C5: variants seen among roughly 807,000 people sequenced by gnomAD.
The protein encoded by C5 is C3 and PZP-like alpha-2-macroglobulin domain-containing protein 4.
A neutral mutation model predicts 218.8 loss-of-function variants in C5; 140 were observed. That is an observed-to-expected ratio of 0.64 (90% CI 0.56 to 0.74). The LOEUF is 0.74. C5 is among the 30% of genes least tolerant of loss of function. C5 has a pLI of 0.00. For synonymous variants in C5, 614 were observed against 682.3 expected (o/e 0.90, Z 1.56); for missense variants, 1,700 against 1,969.6 (o/e 0.86, Z 2.59).
intron 40 of C5, 27 bp from the exon 41 acceptor site, chr9:120,952,895 G>T: frequency 6.2e-7 from 1 of 1,612,144 alleles, no homozygotes; most frequent in Non-Finnish European, 8.5e-7. Context: ...TGTTTGTGAG[G>T]TGGCCACAAA....
the C5 span, among the ~76,000 whole-genome samples, chr9:121,071,754 C>T: frequency 2.0e-5 from 3 of 152,178 alleles, no homozygotes; most frequent in African/African-American, 7.2e-5. Flanking sequence ...GTTGCCATCC[C>T]TGTCTGACAA....
chr9:121,041,330 A>G, intron 3 of C5, among the ~76,000 whole-genome samples: 1 of 88,674 alleles, frequency 1.1e-5, no homozygotes, highest in Non-Finnish European at 2.1e-5. Flanking sequence ...GCTGAGACGA[A>G]GTCTCACTCT....
At chr9:120,997,815 T>G (rs1361489538) in intron 20 of C5, 41 bp from the exon 21 acceptor site, 1 of 1,576,406 alleles carries the variant, frequency 6.3e-7, no homozygotes, top group Admixed American at 1.7e-5. Flanking sequence ...TACATTTTTT[T>G]TTTTTGAGAC....
chr9:121,040,665 A>T (rs1367611707), intron 3 of C5, among the ~76,000 whole-genome samples: 1 of 152,188 alleles, frequency 6.6e-6, no homozygotes, highest in Non-Finnish European at 1.5e-5. Context: ...CTTTACACAT[A>T]CTAATTCAGT....
chr9:121,044,788 C>T (rs2047612165), intron 2 of C5, among the ~76,000 whole-genome samples: 1 of 152,102 alleles, frequency 6.6e-6, no homozygotes, highest in African/African-American at 2.4e-5. Context: ...ACTATGGTAG[C>T]CAATAGCTAC....
At position 120,996,234 on chromosome 9, in the gene C5, G is replaced by A. The variant is rs763487732; in HGVS notation, c.2851+6C>T. 1.3e-6 allele frequency: 2 copies of A among 1,588,224 alleles called. No individual in the cohort carries two copies. The highest frequency in any genetic ancestry group is 8.6e-7 in the Non-Finnish European group (1 of 1,156,630). On this transcript the variant is annotated splice_donor_region_variant and intron_variant, in intron 22 of 40. Transcript: ENST00000223642. The stretch of plus-strand genomic sequence containing the variant: ...AACATATAAAATAAAAAATCATTTT[G>A]CCTACCATAAATACCCCTAGGATCC...
In C5 at chr9:121,020,009, T is replaced by C. The variant is rs1277851450; in HGVS notation, c.1473A>G (p.Pro491=). ...TATAGTGAGTTATTTTGTCAATATA[T>C]GGGCTTTTGGGGGTAACAATAATAT... The part of the protein sequence containing the change: ...HLNIIVTPKS[P]YIDKITHYNY... The change falls in exon 12 of 41, where the codon CCA becomes CCG. Residue 491 remains proline, a synonymous_variant. Coordinates refer to ENST00000223642, the MANE Select transcript of C5 (RefSeq NM_001735.3). 9 of 1,610,048 alleles carry C rather than the reference T, an allele frequency of 5.6e-6. No individual in the cohort carries two copies. Among genetic ancestry groups the C allele is most frequent in the African/African-American group, 5.4e-5 (4 of 74,738 alleles).
At chr9:120,995,412 G>A (rs1338010812) in intron 22 of C5, among the ~76,000 whole-genome samples, 2 of 152,052 alleles carry the variant, frequency 1.3e-5, no homozygotes, top group African/African-American at 4.8e-5. Context: ...ATAAATACAT[G>A]TATATGTATT....
chr9:121,037,486 G>T (rs7042883), intron 4 of C5, among the ~76,000 whole-genome samples: 4,969 of 151,620 alleles, frequency 0.033, 121 homozygotes, highest in African/African-American at 0.058. Context: ...CTAATTTTTT[G>T]TATTTTAGTA....
intron 3 of C5, among the ~76,000 whole-genome samples, chr9:121,042,679 G>A (rs1191519012): frequency 6.6e-6 from 1 of 152,028 alleles, no homozygotes; most frequent in African/African-American, 2.4e-5. Context: ...ACAGCAGTTG[G>A]TTTTTGTAAC....
intron 1 of C5, among the ~76,000 whole-genome samples, chr9:121,049,548 C>T (rs952225029): frequency 2.0e-5 from 3 of 152,182 alleles, no homozygotes; most frequent in Non-Finnish European, 4.4e-5. Context: ...CTGTTTCTCT[C>T]TCTCTAGAAC....
intron 20 of C5, among the ~76,000 whole-genome samples, chr9:121,005,475 G>A (rs1422767958): frequency 6.6e-6 from 1 of 152,166 alleles, no homozygotes; most frequent in Non-Finnish European, 1.5e-5. Flanking sequence ...CAGGAAGGAG[G>A]TTGTCACTGG....
chr9:120,989,919 T>A, intron 23 of C5, 139 bp from the exon 24 acceptor site: 2 of 656,830 alleles, frequency 3.0e-6, no homozygotes, highest in East Asian at 2.8e-5. Flanking sequence ...AGAAACGGGG[T>A]GAGAAAAAAA....
intron 25 of C5, among the ~76,000 whole-genome samples, chr9:120,987,543 C>A (rs2047041934): frequency 6.7e-6 from 1 of 148,248 alleles, no homozygotes; most frequent in Non-Finnish European, 1.5e-5. Context: ...GAGGCTGAGC[C>A]AGGAGAATCG....
chr9:120,991,322 G>T (rs41311867), intron 22 of C5, 42 bp from the exon 23 acceptor site: 88,694 of 1,079,046 alleles, frequency 0.082, 4,183 homozygotes, highest in Non-Finnish European at 0.091. Flanking sequence ...GTTTCCAGGG[G>T]AAGACTGTTT....
Position 120,994,172 on chromosome 9 carries a change from A to AT in C5, c.2851+2067dup, listed in dbSNP as rs530667129. The stretch of plus-strand genomic sequence containing the variant: ...ACTGTTTGTTCTCCCTCATTGATAT[A>AT]TTTTTTCAGATTTCCTTTAACATTA... On this transcript the variant is annotated intron_variant, in intron 22 of 40. Transcript: ENST00000223642. Among the ~76,000 whole-genome samples, 11 of 152,070 alleles carry AT rather than the reference A, an allele frequency of 7.2e-5. No homozygotes were observed. In the South Asian group the frequency reaches 2.1e-3, roughly 29 times the overall value.
At chr9:121,050,009 C>T (rs1198950383) in intron 1 of C5, among the ~76,000 whole-genome samples, 173 bp downstream of exon 1, 4 of 152,162 alleles carry the variant, frequency 2.6e-5, no homozygotes, top group Non-Finnish European at 5.9e-5. Context: ...ATGTTGTTAG[C>T]TACTCATCAA....
intron 24 of C5, 94 bp from the exon 25 acceptor site, chr9:120,989,215 T>C: frequency 2.0e-6 from 2 of 995,440 alleles, no homozygotes; most frequent in Non-Finnish European, 3.2e-6. Flanking sequence ...TAAGCTTCCT[T>C]TGGTGTTGGG....
Position 121,043,145 on chromosome 9 carries a change from C to T in C5, c.280G>A (p.Gly94Arg). ...ILTIQPKQLP[G>R]GQNPVSYVYL... ...ACATAAGAAACTGGGTTTTGTCCTC[C>T]AGGCAATTGTTTTGGTTGTATCTGG... The change falls in exon 3 of 41, where the codon GGA (glycine) becomes AGA (arginine). Residue 94 changes from glycine (G) to arginine (R), a missense_variant. Gly to Arg is a moderately radical substitution (Grantham distance 125). Coordinates refer to ENST00000223642, the MANE Select transcript of C5 (RefSeq NM_001735.3). 1 of 1,613,050 alleles carries T rather than the reference C, an allele frequency of 6.2e-7. No homozygotes were observed.
Sources: allele counts gnomAD v4.1 joint callset (sites outside exome capture counted in the v4.1 genomes callset), GRCh38; gene constraint gnomAD v4.1.1; transcripts MANE v1.5; gene names NCBI Gene and HGNC (gene_info 2026-07-23, HGNC 2026-07-21).